PLEKHM2: variants seen among roughly 807,000 people sequenced by gnomAD.
The protein encoded by PLEKHM2 is pleckstrin homology domain-containing family M member 2.
Under a neutral mutation model 116.3 loss-of-function variants are expected in PLEKHM2, and 77 were observed. That is an observed-to-expected ratio of 0.66 (90% CI 0.55 to 0.80). The LOEUF (loss-of-function observed/expected upper bound fraction) is 0.80, where lower values mean the gene tolerates loss of function less well. Ranked by LOEUF, PLEKHM2 falls within the 30% of genes least tolerant of loss-of-function variation. PLEKHM2 has a pLI of 0.00. For synonymous variants in PLEKHM2, 562 were observed against 571.0 expected, an observed-to-expected ratio of 0.98 and a Z score of 0.22; for missense variants, 1,183 against 1,354.9, an observed-to-expected ratio of 0.87 and a Z score of 1.99.
At position 15,717,964 on chromosome 1, in the gene PLEKHM2, C is replaced by G; in HGVS notation, c.349C>G (p.Leu117Val). 6.3e-7 allele frequency: 1 copy of G among 1,595,800 alleles called. No individual in the cohort carries two copies. Residue 117 changes from leucine to valine, a missense_variant, in exon 4 of 20, where the codon CTG (leucine) becomes GTG (valine). Leu to Val is a conservative substitution (Grantham distance 32). This residue lies in a region of PLEKHM2 where 217 missense variants were observed against 277.6 expected (regional missense o/e 0.78). Coordinates refer to ENST00000375799, the MANE Select transcript of PLEKHM2 (RefSeq NM_015164.4). ...ESYLRLFQEN[L>V]GLLHKYYVKN... ...CTACCTGCGGTTGTTCCAGGAGAAC[C>G]TGGGCCTGCTGCATAAGTACTACGT...
chr1:15,730,944 G>T (rs1271002168), intron 15 of PLEKHM2, among the ~76,000 whole-genome samples: 1 of 152,174 alleles, frequency 6.6e-6, no homozygotes, highest in Non-Finnish European at 1.5e-5. Flanking sequence ...GAGTGCCTCA[G>T]GGGAGGATGC....
chr1:15,717,228 A>G (rs895952521), intron 3 of PLEKHM2, among the ~76,000 whole-genome samples: 1 of 152,072 alleles, frequency 6.6e-6, no homozygotes, highest in Non-Finnish European at 1.5e-5. Context: ...CCAGCCTGGA[A>G]GAAAGAGTGA....
At chr1:15,698,739 G>C (rs748347270) in intron 1 of PLEKHM2, among the ~76,000 whole-genome samples, 25 of 151,786 alleles carry the variant, frequency 1.6e-4, no homozygotes, top group Non-Finnish European at 3.4e-4. Context: ...AGCAGAGACA[G>C]GGTTTCACCA....
intron 1 of PLEKHM2, among the ~76,000 whole-genome samples, chr1:15,691,610 C>T (rs1259224363): frequency 2.6e-5 from 4 of 152,202 alleles, no homozygotes; most frequent in Admixed American, 6.5e-5. Flanking sequence ...AGTTCTATTT[C>T]TGGCCAGGCA....
intron 15 of PLEKHM2, among the ~76,000 whole-genome samples, chr1:15,730,957 G>C (rs1030674855): frequency 6.6e-6 from 1 of 152,168 alleles, no homozygotes; most frequent in Non-Finnish European, 1.5e-5. Context: ...GAGGATGCAG[G>C]CTTGGTCCCC....
chr1:15,685,421 AATCCAT>A (rs1312955843), intron 1 of PLEKHM2, among the ~76,000 whole-genome samples: 1 of 152,046 alleles, frequency 6.6e-6, no homozygotes, highest in Middle Eastern at 3.2e-3. Context: ...AATTTAAAAG[AATCCAT>A]ATTCACTGAA....
chr1:15,718,732 G>A (rs1269686642), intron 5 of PLEKHM2, 107 bp downstream of exon 5: 2 of 709,088 alleles, frequency 2.8e-6, no homozygotes, highest in Admixed American at 4.3e-5. Context: ...GGAGCTTGTT[G>A]AGTATGACTG....
At chr1:15,730,783 TC>T in intron 15 of PLEKHM2, 61 bp downstream of exon 15, 2 of 1,374,306 alleles carry the variant, frequency 1.5e-6, no homozygotes, top group Non-Finnish European at 2.0e-6. Context: ...GGCTGTCAGG[TC>T]CCCAGCGGGG....
chr1:15,732,124 CAT>C, intron 17 of PLEKHM2, 76 bp downstream of exon 17: 2 of 1,416,964 alleles, frequency 1.4e-6, no homozygotes, highest in South Asian at 2.6e-5. Flanking sequence ...TCCCTAAACC[CAT>C]AGTCACAGAG....
intron 16 of PLEKHM2, 109 bp downstream of exon 16, chr1:15,731,366 C>T (rs2068141140): frequency 9.6e-6 from 8 of 834,298 alleles, no homozygotes; most frequent in African/African-American, 1.7e-5. Flanking sequence ...AACCCCACCC[C>T]ATCCAGCGGC....
At chr1:15,716,627 G>T (rs946179859) in intron 2 of PLEKHM2, 80 bp from the exon 3 acceptor site, 1 of 1,427,932 alleles carries the variant, frequency 7.0e-7, no homozygotes, top group African/African-American at 1.4e-5. Context: ...CCTGCCTTGC[G>T]CTCACTGCTG....
chr1:15,686,088 G>A (rs1247189173), intron 1 of PLEKHM2, among the ~76,000 whole-genome samples: 1 of 152,184 alleles, frequency 6.6e-6, no homozygotes, highest in Non-Finnish European at 1.5e-5. Context: ...AGTAGACATG[G>A]GGCACGCTGT....
chr1:15,701,192 G>A (rs1359384401), intron 1 of PLEKHM2, among the ~76,000 whole-genome samples: 2 of 151,128 alleles, frequency 1.3e-5, no homozygotes, highest in African/African-American at 4.9e-5. Context: ...AGCACTTGGT[G>A]AGGCCGAGGT....
intron 1 of PLEKHM2, among the ~76,000 whole-genome samples, chr1:15,697,664 C>A (rs1277748331): frequency 6.6e-6 from 1 of 152,174 alleles, no homozygotes; most frequent in Non-Finnish European, 1.5e-5. Flanking sequence ...TTTCCCCCTG[C>A]ATGTCTTTCT....
At chr1:15,706,734 G>A (rs898945516) in intron 1 of PLEKHM2, among the ~76,000 whole-genome samples, 1 of 152,006 alleles carries the variant, frequency 6.6e-6, no homozygotes, top group South Asian at 2.1e-4. Flanking sequence ...CCCTCTGGGG[G>A]CTCCGTATTT....
At chr1:15,731,545 T>C (rs548168055) in intron 16 of PLEKHM2, among the ~76,000 whole-genome samples, 48 of 152,054 alleles carry the variant, frequency 3.2e-4, no homozygotes, top group Non-Finnish European at 5.4e-4. Flanking sequence ...GTTCGGGTAT[T>C]TGGGAGGAAC....
chr1:15,728,790 C>T lies in PLEKHM2; in HGVS notation c.1986+57C>T. ...TGTAGGTACAGGGCTTCTCAAGCCA[C>T]TTACCCATAGAACTGCAGGGCGAGG... On this transcript the variant is annotated intron_variant, in intron 12 of 19. Coordinates refer to ENST00000375799, the MANE Select transcript of PLEKHM2 (RefSeq NM_015164.4). This position sits in a 1 kb window ranked among gnomAD's most constrained non-coding sequence, Gnocchi z 5.9. 6.8e-7 allele frequency: 1 copy of T among 1,477,124 alleles called. No individual in the cohort carries two copies. The allele number at this position is 1,477,124 out of a possible 1,614,324, so 91.5% of individuals were successfully genotyped here. A position where few individuals can be genotyped will look rare whatever the true frequency, so the allele number is the denominator to read the frequency against.
In PLEKHM2 at chr1:15,727,620, C is replaced by T. The variant is rs1410933413; in HGVS notation, c.1548C>T (p.Pro516=). The T allele has an allele frequency of 1.3e-6, 2 of 1,589,242 alleles. No individual in the cohort carries two copies. The highest frequency in any genetic ancestry group is 1.7e-6 in the Non-Finnish European group (2 of 1,168,560). Residue 516 remains proline, a synonymous_variant, in exon 9 of 20, where the codon CCC becomes CCT. Transcript: ENST00000375799. The surrounding 1 kb of genome is among the most constrained non-coding windows in gnomAD (Gnocchi z 7.5). ...GGGGEGQTPR[P]LEDTTREAQE... is the part of the protein sequence containing the mutation. ...GAGGAGAGGGACAGACGCCTCGGCC[C>T]CTAGAGGATACCACGAGGGAGGCTC... is the stretch of plus-strand genomic sequence containing the variant.
chr1:15,730,794 G>T, intron 15 of PLEKHM2, 72 bp downstream of exon 15: 1 of 1,279,576 alleles, frequency 7.8e-7, no homozygotes, highest in Middle Eastern at 1.9e-4. Context: ...CCCCAGCGGG[G>T]ATCTCTCCGC....
Sources: allele counts gnomAD v4.1 joint callset (sites outside exome capture counted in the v4.1 genomes callset), GRCh38; gene constraint gnomAD v4.1.1; regional missense constraint gnomAD v4.1.1; non-coding constraint Gnocchi (gnomAD v3.1); transcripts MANE v1.5; gene names NCBI Gene and HGNC (gene_info 2026-07-23, HGNC 2026-07-21).